The following LARP4B variants were observed in gnomAD, a reference collection of about 807,000 sequenced individuals.
LARP4B encodes the protein la-related protein 4B.
LARP4B carries 12 observed loss-of-function variants against 89.8 expected under a neutral mutation model. That is an observed-to-expected ratio of 0.13 (90% CI 0.09 to 0.22). LARP4B has a LOEUF of 0.22. LARP4B is among the 10% of genes least tolerant of loss of function. The pLI, the probability that LARP4B is intolerant of heterozygous loss-of-function variation, is 1.00. For synonymous variants in LARP4B, 367 were observed against 363.3 expected, an observed-to-expected ratio of 1.01 and a Z score of -0.12; for missense variants, 757 against 947.7, an observed-to-expected ratio of 0.80 and a Z score of 2.64.
intron 1 of LARP4B, among the ~76,000 whole-genome samples, chr10:926,629 T>C (rs1039741408): frequency 2.0e-5 from 3 of 152,238 alleles, no homozygotes; most frequent in Non-Finnish European, 4.4e-5. Flanking sequence ...GAGCATTTTA[T>C]TGGGCAAATT....
At chr10:923,724 C>CAT (rs1837052736) in intron 1 of LARP4B, among the ~76,000 whole-genome samples, 1 of 152,072 alleles carries the variant, frequency 6.6e-6, no homozygotes, top group African/African-American at 2.4e-5. Context: ...TAACAGATAA[C>CAT]AATAACTGAA....
the LARP4B span, among the ~76,000 whole-genome samples, chr10:950,943 G>A: frequency 6.6e-6 from 1 of 151,634 alleles, no homozygotes; most frequent in Non-Finnish European, 1.5e-5. Flanking sequence ...GCAAATAGGG[G>A]ACAGCTTCTT....
At chr10:874,763 A>G (rs962804173) in intron 3 of LARP4B, among the ~76,000 whole-genome samples, 1 of 152,224 alleles carries the variant, frequency 6.6e-6, no homozygotes, top group African/African-American at 2.4e-5. Flanking sequence ...TTTATGATAA[A>G]AAGTTTAGGA....
chr10:927,999 G>A (rs141313512), intron 1 of LARP4B, among the ~76,000 whole-genome samples: 1,797 of 151,996 alleles, frequency 0.012, 31 homozygotes, highest in African/African-American at 0.041. Context: ...AATCACCTGC[G>A]GTCAGGAGTT....
chr10:960,173 G>C, the LARP4B span, among the ~76,000 whole-genome samples: 2 of 152,184 alleles, frequency 1.3e-5, no homozygotes, highest in Non-Finnish European at 2.9e-5. Context: ...AGAACGTTTT[G>C]GAAAAGGCGG....
At chr10:871,293 C>A (rs965438751) in intron 3 of LARP4B, among the ~76,000 whole-genome samples, 3 of 152,174 alleles carry the variant, frequency 2.0e-5, no homozygotes, top group African/African-American at 7.2e-5. Flanking sequence ...GCGGAGGAAA[C>A]ACAGTTACTG....
intron 1 of LARP4B, among the ~76,000 whole-genome samples, chr10:923,829 CA>C (rs1441456220): frequency 1.3e-5 from 2 of 152,086 alleles, no homozygotes; most frequent in Non-Finnish European, 2.9e-5. Context: ...AATGTGAAAA[CA>C]AAATGTTCTC....
At chr10:872,227 A>G (rs561556092) in intron 3 of LARP4B, among the ~76,000 whole-genome samples, 1 of 152,354 alleles carries the variant, frequency 6.6e-6, no homozygotes, top group South Asian at 2.1e-4. Flanking sequence ...CACAAGGTGC[A>G]TGGCTGAACG....
chr10:922,613 G>T (rs1353397433), intron 1 of LARP4B, among the ~76,000 whole-genome samples: 1 of 152,008 alleles, frequency 6.6e-6, no homozygotes, highest in African/African-American at 2.4e-5. Context: ...GCTGCAGTGA[G>T]CAGTGGCCAC....
the LARP4B span, among the ~76,000 whole-genome samples, chr10:946,799 C>T: frequency 2.0e-5 from 3 of 152,176 alleles, no homozygotes; most frequent in Non-Finnish European, 2.9e-5. Flanking sequence ...TTGTGGAAAA[C>T]ATTCAGTGAT....
At chr10:875,827 G>C (rs1835430802) in intron 3 of LARP4B, among the ~76,000 whole-genome samples, 1 of 152,080 alleles carries the variant, frequency 6.6e-6, no homozygotes, top group Admixed American at 6.5e-5. Flanking sequence ...TGAACTTTGG[G>C]GGACACATGA....
At position 814,557 on chromosome 10, in the gene LARP4B, G is replaced by T; in HGVS notation, c.1929+185C>A. The T allele has an allele frequency of 3.7e-6, 5 of 1,339,930 alleles. No individual in the cohort carries two copies. The highest frequency in any genetic ancestry group is 5.2e-6 in the Non-Finnish European group (5 of 961,474). 83.0% of individuals were successfully genotyped at this position (1,339,930 alleles called of 1,614,324 possible). ...GGTGGTCTGAGAAAGAACTAGAGTAGTTAGTGGAAAATTATTAGCAAATAT... is the reference window on the plus strand; with the variant it reads ...GGTGGTCTGAGAAAGAACTAGAGTATTTAGTGGAAAATTATTAGCAAATAT... On this transcript the variant is annotated intron_variant, in intron 17 of 17. Coordinates refer to ENST00000316157, the MANE Select transcript of LARP4B (RefSeq NM_015155.3). The surrounding 1 kb of genome is among the most constrained non-coding windows in gnomAD (Gnocchi z 4.4).
At chr10:890,169 A>G (rs1231212255) in intron 1 of LARP4B, among the ~76,000 whole-genome samples, 1 of 152,236 alleles carries the variant, frequency 6.6e-6, no homozygotes, top group East Asian at 1.9e-4. Context: ...CTAGGTAGCC[A>G]TACAGGTTTT....
At chr10:903,769 C>G (rs1358724806) in intron 1 of LARP4B, among the ~76,000 whole-genome samples, 1 of 152,166 alleles carries the variant, frequency 6.6e-6, no homozygotes, top group Non-Finnish European at 1.5e-5. Flanking sequence ...CATCACAAAA[C>G]TACAGTTTTC....
intron 5 of LARP4B, among the ~76,000 whole-genome samples, chr10:862,687 T>G (rs7079260): frequency 0.6 from 91,066 of 151,538 alleles, 27,807 homozygotes; most frequent in South Asian, 0.72. Context: ...ATGAACTCAG[T>G]AGGCGGAGCT....
chr10:900,673 G>A (rs901060780), intron 1 of LARP4B, among the ~76,000 whole-genome samples: 2 of 147,614 alleles, frequency 1.4e-5, no homozygotes. Context: ...AGGCTGGAGT[G>A]CAGTGGCACA....
At chr10:924,340 A>G (rs1411493053) in intron 1 of LARP4B, 1 of 152,244 alleles carries the variant, frequency 6.6e-6, no homozygotes, top group Admixed American at 6.5e-5. Context: ...TGGCCTTTTC[A>G]ACTATGAAGA....
the LARP4B span, among the ~76,000 whole-genome samples, chr10:939,193 C>G: frequency 6.6e-6 from 1 of 152,178 alleles, no homozygotes; most frequent in Non-Finnish European, 1.5e-5. Context: ...GCCTGGGAAG[C>G]CAGGGAGGCT....
At chr10:820,388 A>G (rs1173924214) in intron 14 of LARP4B, 1 of 169,380 alleles carries the variant, frequency 5.9e-6, no homozygotes, top group African/African-American at 2.4e-5. Flanking sequence ...TTTGAAGGAA[A>G]AACACCGACA....
Sources: allele counts gnomAD v4.1 joint callset (sites outside exome capture counted in the v4.1 genomes callset), GRCh38; gene constraint gnomAD v4.1.1; non-coding constraint Gnocchi (gnomAD v3.1); transcripts MANE v1.5; gene names NCBI Gene and HGNC (gene_info 2026-07-23, HGNC 2026-07-21).